Variants in PRKCB observed in about 807,000 individuals in gnomAD.
The protein encoded by PRKCB is protein kinase C beta, also known as protein kinase C beta type.
PRKCB carries 13 observed loss-of-function variants against 81.5 expected under a neutral mutation model. That is an observed-to-expected ratio of 0.16 (90% CI 0.10 to 0.25). PRKCB has a LOEUF of 0.25. PRKCB is among the 10% of genes least tolerant of loss of function. The pLI is 1.00. For synonymous variants in PRKCB, 335 were observed against 321.4 expected (o/e 1.04, Z -0.45); for missense variants, 509 against 875.7 (o/e 0.58, Z 5.29).
chr16:23,896,157 A>G (rs900362215), intron 2 of PRKCB, among the ~76,000 whole-genome samples: 16 of 151,256 alleles, frequency 1.1e-4, no homozygotes, highest in African/African-American at 3.9e-4. Flanking sequence ...GCCTTTGAAG[A>G]TTTTAGAACC....
chr16:24,147,085 G>A (rs1028857688), intron 9 of PRKCB, among the ~76,000 whole-genome samples: 2 of 151,912 alleles, frequency 1.3e-5, no homozygotes, highest in Non-Finnish European at 2.9e-5. Context: ...GAGGCGGGCG[G>A]ATCACGAGGT....
At chr16:23,974,463 G>A (rs187169286) in intron 2 of PRKCB, among the ~76,000 whole-genome samples, 1 of 152,284 alleles carries the variant, frequency 6.6e-6, no homozygotes, top group African/African-American at 2.4e-5. Flanking sequence ...TGGAGAACAG[G>A]AGGAGGAGCC....
intron 3 of PRKCB, among the ~76,000 whole-genome samples, chr16:24,028,132 A>G (rs536994472): frequency 9.2e-5 from 14 of 152,186 alleles, no homozygotes; most frequent in African/African-American, 2.9e-4. Context: ...TCTGTCGCCC[A>G]GGCTGGAGTG....
At chr16:24,078,218 T>C (rs1387580199) in intron 5 of PRKCB, among the ~76,000 whole-genome samples, 1 of 152,216 alleles carries the variant, frequency 6.6e-6, no homozygotes, top group Non-Finnish European at 1.5e-5. Context: ...CCCAGAGCCA[T>C]GTCTGCAGCC....
Position 23,875,859 on chromosome 16 carries a change from G to A in PRKCB, c.205+38453G>A, listed in dbSNP as rs78166769. Among the ~76,000 whole-genome samples, 404 of 151,654 alleles carry A rather than the reference G, an allele frequency of 2.7e-3. 1 individual carries two copies. The highest frequency in any genetic ancestry group is 4.7e-3 in the Non-Finnish European group (319 of 67,932). On this transcript the variant is annotated intron_variant, in intron 2 of 16. Coordinates refer to ENST00000643927, the MANE Select transcript of PRKCB (RefSeq NM_002738.7). The stretch of plus-strand genomic sequence containing the variant: ...ATTTAAAAGTAGGATATTTCATAAC[G>A]AAATACCAGTATTAGGTATCTTTTG...
chr16:24,209,391 G>T (rs148655435), intron 16 of PRKCB, among the ~76,000 whole-genome samples: 1,798 of 152,146 alleles, frequency 0.012, 20 homozygotes, highest in South Asian at 0.021. Context: ...CACCAATCTA[G>T]CTCCCCAAAC....
chr16:24,131,420 T>C (rs1033143621), intron 9 of PRKCB, among the ~76,000 whole-genome samples: 3 of 152,216 alleles, frequency 2.0e-5, no homozygotes, highest in Non-Finnish European at 4.4e-5. Flanking sequence ...TCCACTAGGG[T>C]ACCCCTAGAA....
At chr16:24,119,377 G>A (rs867848891) in intron 8 of PRKCB, among the ~76,000 whole-genome samples, 10 of 152,012 alleles carry the variant, frequency 6.6e-5, no homozygotes, top group African/African-American at 1.2e-4. Context: ...TGTCCACTAC[G>A]CAAAGTCAAA....
At chr16:23,854,172 G>A (rs1372895711) in intron 2 of PRKCB, among the ~76,000 whole-genome samples, 1 of 151,618 alleles carries the variant, frequency 6.6e-6, no homozygotes, top group Non-Finnish European at 1.5e-5. Flanking sequence ...ATTTGGGTGG[G>A]GACACAGCCA....
At chr16:23,929,673 G>A (rs1301387181) in intron 2 of PRKCB, among the ~76,000 whole-genome samples, 1 of 152,136 alleles carries the variant, frequency 6.6e-6, no homozygotes, top group Non-Finnish European at 1.5e-5. Context: ...CTAGGACAGT[G>A]CCTGGCATGT....
At chr16:24,002,496 C>T (rs113582776) in intron 3 of PRKCB, among the ~76,000 whole-genome samples, 9 of 152,088 alleles carry the variant, frequency 5.9e-5, no homozygotes, top group Admixed American at 1.3e-4. Flanking sequence ...CCCACCACCA[C>T]GCCTAGCTAA....
chr16:24,067,157 C>A (rs1486903737), intron 5 of PRKCB, among the ~76,000 whole-genome samples: 1 of 152,098 alleles, frequency 6.6e-6, no homozygotes, highest in Non-Finnish European at 1.5e-5. Flanking sequence ...CAGTCAGTTT[C>A]TTTTTTGTAA....
chr16:24,189,365 G>A (rs1441899566), intron 15 of PRKCB, among the ~76,000 whole-genome samples: 3 of 152,136 alleles, frequency 2.0e-5, no homozygotes, highest in African/African-American at 7.2e-5. Context: ...GCAGCTCGGC[G>A]CGGTGGCTCT....
At chr16:23,995,473 C>A (rs1458982756) in intron 3 of PRKCB, among the ~76,000 whole-genome samples, 3 of 152,162 alleles carry the variant, frequency 2.0e-5, no homozygotes, top group African/African-American at 7.2e-5. Context: ...TATAGTCCTG[C>A]CATAATCCAC....
At chr16:23,889,043 C>A (rs1963247785) in intron 2 of PRKCB, among the ~76,000 whole-genome samples, 1 of 152,068 alleles carries the variant, frequency 6.6e-6, no homozygotes, top group African/African-American at 2.4e-5. Context: ...CATGACTGAT[C>A]ATTCATCCAC....
intron 2 of PRKCB, among the ~76,000 whole-genome samples, chr16:23,894,477 T>C (rs997236300): frequency 1.3e-5 from 2 of 152,178 alleles, no homozygotes; most frequent in African/African-American, 2.4e-5. Flanking sequence ...CCAAATTCAC[T>C]TGATCACTGG....
chr16:24,081,168 A>G (rs1239604345), intron 5 of PRKCB, among the ~76,000 whole-genome samples: 2 of 152,198 alleles, frequency 1.3e-5, no homozygotes, highest in African/African-American at 2.4e-5. Flanking sequence ...AAAAATCTTC[A>G]TAGAAATATT....
chr16:24,200,123 G>T (rs1428542249), intron 16 of PRKCB, among the ~76,000 whole-genome samples: 1 of 152,178 alleles, frequency 6.6e-6, no homozygotes, highest in African/African-American at 2.4e-5. Flanking sequence ...TTGATTTTGA[G>T]GCTGACAAAG....
intron 3 of PRKCB, among the ~76,000 whole-genome samples, chr16:24,016,091 C>A (rs1399131608): frequency 6.6e-6 from 1 of 152,000 alleles, no homozygotes; most frequent in Non-Finnish European, 1.5e-5. Context: ...TATTGTTATC[C>A]CCTAGGGATA....
Sources: gnomAD v4.1 joint callset for allele counts (sites outside exome capture counted in the v4.1 genomes callset) on GRCh38, gnomAD v4.1.1 for gene constraint, MANE v1.5 for transcripts, NCBI Gene and HGNC (gene_info 2026-07-23, HGNC 2026-07-21) for gene names.